The following SOX5 variants were observed in gnomAD, a reference collection of about 807,000 sequenced individuals.
The protein encoded by SOX5 is transcription factor SOX-5.
A neutral mutation model predicts 92.0 loss-of-function variants in SOX5; 9 were observed. That is an observed-to-expected ratio of 0.10 (90% CI 0.06 to 0.17). The LOEUF (loss-of-function observed/expected upper bound fraction) is 0.17, where lower values mean the gene tolerates loss of function less well. SOX5 is among the 10% of genes least tolerant of loss of function. The pLI, the probability that SOX5 is intolerant of heterozygous loss-of-function variation, is 1.00. For missense variants in SOX5, 642 were observed against 944.5 expected (o/e 0.68, Z 4.20); for synonymous variants, 344 against 336.3 (o/e 1.02, Z -0.25).
intron 3 of SOX5, among the ~76,000 whole-genome samples, chr12:23,825,003 C>T (rs1490548940): frequency 6.6e-6 from 1 of 152,166 alleles, no homozygotes; most frequent in Non-Finnish European, 1.5e-5. Flanking sequence ...GAATTAGATG[C>T]CAGTGGATCT....
At chr12:24,190,618 G>A (rs998077386) in intron 4 of SOX5, among the ~76,000 whole-genome samples, 1 of 152,158 alleles carries the variant, frequency 6.6e-6, no homozygotes, top group African/African-American at 2.4e-5. Context: ...TCTGGTCTCC[G>A]TGATTCGGAT....
At chr12:24,524,714 G>A (rs1276635071) in intron 1 of SOX5, among the ~76,000 whole-genome samples, 1 of 152,138 alleles carries the variant, frequency 6.6e-6, no homozygotes, top group East Asian at 1.9e-4. Flanking sequence ...GTACACTGTT[G>A]ATGGGAATGC....
intron 2 of SOX5, among the ~76,000 whole-genome samples, chr12:23,882,898 T>C (rs1432565885): frequency 6.6e-6 from 1 of 152,070 alleles, no homozygotes; most frequent in Non-Finnish European, 1.5e-5. Context: ...AAGATAATGA[T>C]AGGGCGGGCG....
chr12:24,192,347 TAAC>T (rs1234344777), intron 4 of SOX5, among the ~76,000 whole-genome samples: 1 of 152,158 alleles, frequency 6.6e-6, no homozygotes, highest in Non-Finnish European at 1.5e-5. Context: ...ATAAATAAAA[TAAC>T]AATAAAATGT....
At position 24,299,894 on chromosome 12, in the gene SOX5, G is replaced by A. The variant is rs1017405358; in HGVS notation, c.-173-22582C>T. Among the ~76,000 whole-genome samples the A allele has an allele frequency of 7.2e-5, 11 of 152,062 alleles. No homozygotes were observed. The South Asian group carries it at 2.1e-3, about 29-fold the overall frequency. On this transcript the variant is annotated intron_variant, in intron 2 of 4. Coordinates refer to the SOX5 transcript ENST00000446891. ...GATGACCCCTTACCATGCTCTCTGTGTGATATTTAATTTGCTAAGACTAAA... is the reference window on the plus strand; with the variant it reads ...GATGACCCCTTACCATGCTCTCTGTATGATATTTAATTTGCTAAGACTAAA...
chr12:23,614,741 TGAA>T (rs1194722922), intron 8 of SOX5, among the ~76,000 whole-genome samples: 1 of 152,218 alleles, frequency 6.6e-6, no homozygotes, highest in Non-Finnish European at 1.5e-5. Context: ...CAGACTTTTC[TGAA>T]GTGGCTGAAC....
chr12:24,049,709 A>T (rs1957382212), intron 4 of SOX5, among the ~76,000 whole-genome samples: 1 of 143,774 alleles, frequency 7.0e-6, no homozygotes, highest in Non-Finnish European at 1.5e-5. Context: ...ACCAGAGCAC[A>T]GAATAGCAGA....
chr12:23,902,586 AT>A (rs34052066), intron 1 of SOX5, among the ~76,000 whole-genome samples: 49,707 of 151,944 alleles, frequency 0.33, 9,403 homozygotes, highest in Non-Finnish European at 0.44. Flanking sequence ...AAAATTAAAC[AT>A]TTTTTATTAG....
Position 24,393,595 on chromosome 12 carries a change from G to C in SOX5, c.-250-24956C>G, listed in dbSNP as rs1193877036. Among the ~76,000 whole-genome samples, 1 of 151,672 alleles carries C rather than the reference G, an allele frequency of 6.6e-6. No homozygotes were observed. Among genetic ancestry groups the C allele is most frequent in the East Asian group, 1.9e-4 (1 of 5,200 alleles). ...TACAATAAAAACATTAAGTAACTAA[G>C]CAAAAAATTATGAAATAGATAATCT... is the stretch of plus-strand genomic sequence containing the variant. On this transcript the variant is annotated intron_variant, in intron 1 of 4. Coordinates refer to the SOX5 transcript ENST00000446891. The surrounding 1 kb of genome is among the most constrained non-coding windows in gnomAD (Gnocchi z 5.0).
intron 4 of SOX5, among the ~76,000 whole-genome samples, chr12:24,086,521 C>T (rs1388155694): frequency 1.3e-5 from 2 of 151,686 alleles, no homozygotes; most frequent in Admixed American, 6.6e-5. Flanking sequence ...AAAGAGTAAA[C>T]TGTCATGTTT....
At chr12:23,982,545 T>C (rs1450051783) in intron 4 of SOX5, among the ~76,000 whole-genome samples, 1 of 152,168 alleles carries the variant, frequency 6.6e-6, no homozygotes, top group Non-Finnish European at 1.5e-5. Context: ...GCATGGTATA[T>C]AATTTGCAGT....
chr12:24,327,835 G>A (rs1038092442), intron 2 of SOX5, among the ~76,000 whole-genome samples: 9 of 150,518 alleles, frequency 6.0e-5, no homozygotes, highest in Non-Finnish European at 4.4e-5. Context: ...CTCGTGATCC[G>A]CCCGCCTCAG....
intron 4 of SOX5, among the ~76,000 whole-genome samples, chr12:24,128,181 T>C (rs997604689): frequency 1.3e-5 from 2 of 152,202 alleles, no homozygotes; most frequent in Admixed American, 6.5e-5. Flanking sequence ...ATTTGTATTA[T>C]TATCATACAC....
intron 4 of SOX5, among the ~76,000 whole-genome samples, chr12:24,096,723 T>C (rs1047559547): frequency 1.3e-5 from 2 of 152,156 alleles, no homozygotes; most frequent in Non-Finnish European, 2.9e-5. Flanking sequence ...TTGAGAAAAT[T>C]TGGCTCACTT....
chr12:24,157,658 G>A (rs1490763445), intron 4 of SOX5, among the ~76,000 whole-genome samples: 2 of 152,074 alleles, frequency 1.3e-5, no homozygotes, highest in African/African-American at 4.8e-5. Flanking sequence ...ATTCCTATTA[G>A]ACAACCTGTC....
chr12:23,927,415 T>A (rs1940266652), intron 1 of SOX5, among the ~76,000 whole-genome samples: 1 of 152,108 alleles, frequency 6.6e-6, no homozygotes. Context: ...CTCTCCTTTT[T>A]ATCTCCCTCT....
chr12:23,947,310 A>G (rs1944746497), intron 1 of SOX5, among the ~76,000 whole-genome samples: 1 of 151,966 alleles, frequency 6.6e-6, no homozygotes, highest in African/African-American at 2.4e-5. Flanking sequence ...AGTCAATAGA[A>G]ATGACCTATT....
rs35577354 is a variant in SOX5 at position 23,957,686 on chromosome 12, T to A, written c.-1-61662A>T. Among the ~76,000 whole-genome samples the A allele has an allele frequency of 5.1e-3, 774 of 152,070 alleles. 3 individuals carry two copies. The highest frequency in any genetic ancestry group is 8.5e-3 in the Non-Finnish European group (577 of 67,960). On this transcript the variant is annotated intron_variant, in intron 4 of 4. Coordinates refer to the SOX5 transcript ENST00000446891. Reference sequence around the variant, plus strand: ...TATAGACAACTTGCTTTTTTCATGCTGTTGTTAATAAAATGACTGACTGCC... The same window carrying A: ...TATAGACAACTTGCTTTTTTCATGCAGTTGTTAATAAAATGACTGACTGCC...
At chr12:24,409,401 C>T (rs1239762800) in intron 1 of SOX5, among the ~76,000 whole-genome samples, 1 of 152,038 alleles carries the variant, frequency 6.6e-6, no homozygotes, top group Non-Finnish European at 1.5e-5. Context: ...CACCACGGCA[C>T]ACATATACCT....
Sources: allele counts gnomAD v4.1 joint callset (sites outside exome capture counted in the v4.1 genomes callset), GRCh38; gene constraint gnomAD v4.1.1; non-coding constraint Gnocchi (gnomAD v3.1); transcripts MANE v1.5; gene names NCBI Gene and HGNC (gene_info 2026-07-23, HGNC 2026-07-21).